Variants in CLECL1 observed in about 807,000 individuals in gnomAD.
CLECL1 encodes the protein C-type lectin like 1.
the CLECL1 span, among the ~76,000 whole-genome samples, chr12:9,702,851 T>C: frequency 2.0e-5 from 3 of 152,238 alleles, no homozygotes; most frequent in Non-Finnish European, 4.4e-5. Context: ...GCATTAAATC[T>C]GAAGACTGAA....
chr12:9,725,236 A>G (rs1281441706), intron 3 of CLECL1, among the ~76,000 whole-genome samples: 2 of 152,168 alleles, frequency 1.3e-5, no homozygotes, highest in African/African-American at 2.4e-5. Context: ...GGAGAACATA[A>G]AAAATGGCAA....
At chr12:9,716,811 T>C in intron 2 of CLECL1, 1 of 1,218,846 alleles carries the variant, frequency 8.2e-7, no homozygotes, top group Non-Finnish European at 1.1e-6. Context: ...TAATGAGATA[T>C]CATTCCCAAA....
At chr12:9,733,391 A>G (rs764561060), upstream of CLECL1, 3 of 612,120 alleles carry the variant, frequency 4.9e-6, no homozygotes, top group South Asian at 7.0e-5. Context: ...GTTCAGGCAT[A>G]TATTCTCTGG....
upstream of CLECL1, among the ~76,000 whole-genome samples, chr12:9,734,121 G>T (rs768149574): frequency 4.6e-5 from 7 of 152,340 alleles, no homozygotes; most frequent in East Asian, 3.9e-4. Context: ...GGAAAAACTG[G>T]TTTTTTCAAT....
chr12:9,708,320 C>T, the CLECL1 span, among the ~76,000 whole-genome samples: 4 of 152,090 alleles, frequency 2.6e-5, no homozygotes, highest in Admixed American at 6.5e-5. Context: ...AGAGGGCTCC[C>T]CATTCTAACA....
chr12:9,721,906 C>T (rs1044438882), downstream of CLECL1, among the ~76,000 whole-genome samples: 1 of 152,076 alleles, frequency 6.6e-6, no homozygotes, highest in African/African-American at 2.4e-5. Flanking sequence ...TTTAGTTTTT[C>T]TTGGTGTGGA....
In CLECL1 at chr12:9,732,930, C is replaced by T. The variant is rs12304510; in HGVS notation, n.82+19G>A. Reference sequence around the variant, plus strand: ...CTAGTAAAATCTTAATTCTCAAAGGCACCCTAAATCCAGCTTACCAGATCT... The same window carrying T: ...CTAGTAAAATCTTAATTCTCAAAGGTACCCTAAATCCAGCTTACCAGATCT... On this transcript the variant is annotated intron_variant and non_coding_transcript_variant, in intron 1 of 3. Transcript: ENST00000621400. 781,055 of 1,546,042 alleles carry T rather than the reference C, an allele frequency of 0.51. 200,408 individuals carry two copies. Among genetic ancestry groups the T allele is most frequent in the African/African-American group, 0.66 (47,303 of 72,178 alleles).
intron 1 of CLECL1, among the ~76,000 whole-genome samples, chr12:9,731,478 G>C (rs894786101): frequency 6.6e-6 from 1 of 152,190 alleles, no homozygotes; most frequent in Non-Finnish European, 1.5e-5. Flanking sequence ...TCAGTGAAAG[G>C]TATGAGGTTA....
intron 1 of CLECL1, among the ~76,000 whole-genome samples, chr12:9,731,538 A>G (rs1248431124): frequency 6.6e-6 from 1 of 152,200 alleles, no homozygotes; most frequent in Non-Finnish European, 1.5e-5. Flanking sequence ...GACAACAAAA[A>G]TCTAATCTAT....
downstream of CLECL1, among the ~76,000 whole-genome samples, chr12:9,717,603 G>A (rs1866254528): frequency 6.6e-6 from 1 of 152,202 alleles, no homozygotes; most frequent in African/African-American, 2.4e-5. Flanking sequence ...TTATATAGCT[G>A]TTTGCTGGAA....
chr12:9,710,805 A>T, the CLECL1 span, among the ~76,000 whole-genome samples: 1 of 152,182 alleles, frequency 6.6e-6, no homozygotes, highest in East Asian at 1.9e-4. Flanking sequence ...GGGCAGCTGG[A>T]GGACAGTCTG....
At chr12:9,713,036 T>A (rs1335576995), downstream of CLECL1, among the ~76,000 whole-genome samples, 1 of 152,130 alleles carries the variant, frequency 6.6e-6, no homozygotes, top group Non-Finnish European at 1.5e-5. Context: ...AAATCTGAGC[T>A]CCCCGAATGC....
intron 2 of CLECL1, among the ~76,000 whole-genome samples, chr12:9,716,969 A>T (rs1314588953): frequency 2.0e-5 from 3 of 152,202 alleles, no homozygotes; most frequent in African/African-American, 7.2e-5. Flanking sequence ...ACACAGCTCC[A>T]GCAGGGTCTG....
rs536270963 is a variant in CLECL1, at chr12:9,730,599, C to T, written n.83-923G>A. Among the ~76,000 whole-genome samples, 21 of 152,270 alleles carry T rather than the reference C, an allele frequency of 1.4e-4. No homozygotes were observed. The South Asian group carries it at 3.3e-3, about 24-fold the overall frequency. On this transcript the variant is annotated intron_variant and non_coding_transcript_variant, in intron 1 of 3. Coordinates refer to ENST00000621400, the Ensembl canonical transcript of CLECL1. ...ATTAAAAGAAGTCCACATATTTTCA[C>T]TCATCAGACAAAACAGTCAAAATTG...
At chr12:9,718,596 T>C, downstream of CLECL1, 2 of 538,876 alleles carry the variant, frequency 3.7e-6, no homozygotes, top group African/African-American at 4.1e-5. Context: ...TCTCAGAATG[T>C]GACTGTATAT....
At chr12:9,724,756 A>T (rs1267622418) in intron 3 of CLECL1, among the ~76,000 whole-genome samples, 1 of 148,760 alleles carries the variant, frequency 6.7e-6, no homozygotes, top group Non-Finnish European at 1.5e-5. Flanking sequence ...GAAGAGAAAG[A>T]TTAGGGCAAA....
chr12:9,718,852 G>A (rs1186515625), downstream of CLECL1: 8 of 644,056 alleles, frequency 1.2e-5, no homozygotes, highest in Non-Finnish European at 2.2e-5. Flanking sequence ...GGCTTTAGCT[G>A]TGAAAAATAA....
exon 3 of CLECL1, chr12:9,716,584 G>T: frequency 4.4e-6 from 1 of 225,328 alleles, no homozygotes; most frequent in Non-Finnish European, 9.0e-6. Flanking sequence ...TCTCCTGGCG[G>T]CTGGTGGCTG....
At chr12:9,716,816 C>A in intron 2 of CLECL1, 4 of 1,194,732 alleles carry the variant, frequency 3.3e-6, no homozygotes, top group Non-Finnish European at 4.4e-6. Context: ...AGATATCATT[C>A]CCAAAACATT....
Sources: gnomAD v4.1 joint callset for allele counts (sites outside exome capture counted in the v4.1 genomes callset) on GRCh38, gnomAD v4.1.1 for gene constraint, MANE v1.5 for transcripts, NCBI Gene and HGNC (gene_info 2026-07-23, HGNC 2026-07-21) for gene names.